Variants in FAM53A observed in about 807,000 individuals in gnomAD.
FAM53A encodes family with sequence similarity 53 member A, also known as protein FAM53A.
In FAM53A, 28 loss-of-function variants were observed where a neutral mutation model predicts 26.6. The ratio of observed to expected loss-of-function variants is 1.05; its 90% CI spans 0.78 to 1.45. The LOEUF is 1.45. Ranked by LOEUF, FAM53A falls within the 40% of genes most tolerant of loss-of-function variation. FAM53A has a pLI of 0.00. For synonymous variants in FAM53A, 290 were observed against 253.1 expected (o/e 1.15, Z -1.38); for missense variants, 650 against 575.8 (o/e 1.13, Z -1.32).
At chr4:1,590,377 C>T in the FAM53A span, among the ~76,000 whole-genome samples, 1 of 152,152 alleles carries the variant, frequency 6.6e-6, no homozygotes, top group African/African-American at 2.4e-5. Context: ...TCTGGACAAG[C>T]TGATAAGAAA....
At chr4:1,672,744 A>C (rs1577150920) in intron 1 of FAM53A, among the ~76,000 whole-genome samples, 1 of 148,986 alleles carries the variant, frequency 6.7e-6, no homozygotes, top group South Asian at 2.2e-4. Context: ...ACACAAACAC[A>C]GGAACCTGAA....
intron 1 of FAM53A, among the ~76,000 whole-genome samples, chr4:1,676,877 T>A (rs1715082096): frequency 6.6e-6 from 1 of 152,204 alleles, no homozygotes; most frequent in African/African-American, 2.4e-5. Flanking sequence ...GTGGGGTCTG[T>A]TCTCCAAAGT....
At chr4:1,616,079 G>A (rs1714800945), downstream of FAM53A, among the ~76,000 whole-genome samples, 1 of 152,222 alleles carries the variant, frequency 6.6e-6, no homozygotes, top group Non-Finnish European at 1.5e-5. Context: ...GATGTTGGAT[G>A]CAGTAAGCAG....
the FAM53A span, among the ~76,000 whole-genome samples, chr4:1,601,052 T>TGAGGCCTCCATCTCAA: frequency 6.6e-6 from 1 of 151,938 alleles, no homozygotes; most frequent in Admixed American, 6.5e-5. Context: ...CCAGCTGTCT[T>TGAGGCCTCCATCTCAA]GAGGCCTCCA....
intron 4 of FAM53A, among the ~76,000 whole-genome samples, chr4:1,649,482 A>G (rs1461833317): frequency 6.6e-6 from 1 of 152,232 alleles, no homozygotes; most frequent in East Asian, 1.9e-4. Flanking sequence ...TCCTCCTCCC[A>G]CTGAGTAAGG....
intron 4 of FAM53A, among the ~76,000 whole-genome samples, chr4:1,649,686 T>C (rs1712574829): frequency 6.6e-6 from 1 of 152,224 alleles, no homozygotes; most frequent in African/African-American, 2.4e-5. Flanking sequence ...AAAAGCCACA[T>C]GGGTGAACTT....
upstream of FAM53A, chr4:1,684,392 G>T (rs532604754): frequency 6.9e-6 from 1 of 145,358 alleles, no homozygotes; most frequent in Non-Finnish European, 1.5e-5. Flanking sequence ...CCGCCGCCGC[G>T]AGCCCGTCAG....
In FAM53A at chr4:1,659,915, C is replaced by T. The variant is rs1244569241; in HGVS notation, c.76-2447G>A. On this transcript the variant is annotated intron_variant, in intron 2 of 4. Coordinates refer to ENST00000308132, the MANE Select transcript of FAM53A (RefSeq NM_001174070.3). The surrounding 1 kb of genome is among the most constrained non-coding windows in gnomAD (Gnocchi z 5.2). ...AAGCACCTCCCAGAGGCCCCACCTCCAAATATTCATCCCGTCACCTTGAGG... is the reference window on the plus strand; with the variant it reads ...AAGCACCTCCCAGAGGCCCCACCTCTAAATATTCATCCCGTCACCTTGAGG... 6.6e-6 allele frequency among the ~76,000 whole-genome samples: 1 copy of T among 152,220 alleles called. No homozygotes were observed. Among genetic ancestry groups the T allele is most frequent in the East Asian group, 1.9e-4 (1 of 5,198 alleles).
At chr4:1,601,052 T>G in the FAM53A span, among the ~76,000 whole-genome samples, 1 of 151,938 alleles carries the variant, frequency 6.6e-6, no homozygotes, top group Non-Finnish European at 1.5e-5. Context: ...CCAGCTGTCT[T>G]GAGGCCTCCA....
chr4:1,622,679 C>T (rs907180699), intron 1 of FAM53A, among the ~76,000 whole-genome samples: 12 of 152,174 alleles, frequency 7.9e-5, no homozygotes, highest in Middle Eastern at 3.2e-3. Context: ...CTGGCTCGCT[C>T]GGGGAGGGAG....
chr4:1,624,058 C>T (rs1342295034), intron 1 of FAM53A, among the ~76,000 whole-genome samples: 1 of 152,200 alleles, frequency 6.6e-6, no homozygotes, highest in African/African-American at 2.4e-5. Flanking sequence ...CTGTGGGTGG[C>T]CTGTCCTACT....
chr4:1,668,291 T>A (rs918945529), intron 2 of FAM53A, among the ~76,000 whole-genome samples: 2 of 151,988 alleles, frequency 1.3e-5, no homozygotes, highest in Non-Finnish European at 2.9e-5. Context: ...AGGCGCCTGC[T>A]ACCGTGCCCG....
At chr4:1,624,790 G>GACTCCCCC (rs1715206755) in intron 1 of FAM53A, among the ~76,000 whole-genome samples, 1 of 152,214 alleles carries the variant, frequency 6.6e-6, no homozygotes, top group East Asian at 1.9e-4. Flanking sequence ...GCACACTCCA[G>GACTCCCCC]ACTCCCCCAG....
rs557409381 is a variant in FAM53A at position 1,668,600 on chromosome 4, T to C, written c.75+67A>G. On this transcript the variant is annotated intron_variant, in intron 2 of 4. Coordinates refer to ENST00000308132, the MANE Select transcript of FAM53A (RefSeq NM_001174070.3). Reference sequence around the variant, plus strand: ...CTTAGCCCTCACCTCCACCTCCCAGTGTGGCCATTCCCCTGTGACAGCACG... The same window carrying C: ...CTTAGCCCTCACCTCCACCTCCCAGCGTGGCCATTCCCCTGTGACAGCACG... 1.9e-6 allele frequency: 3 copies of C among 1,578,526 alleles called. No homozygotes were observed. The African/African-American group carries it at 4.0e-5, about 21-fold the overall frequency.
At chr4:1,633,409 G>A (rs1715699732) in intron 1 of FAM53A, among the ~76,000 whole-genome samples, 1 of 152,176 alleles carries the variant, frequency 6.6e-6, no homozygotes. Flanking sequence ...AAGAGAAATT[G>A]CAGGTCCACG....
the FAM53A span, among the ~76,000 whole-genome samples, chr4:1,590,989 T>TACACACACACAC: frequency 7.9e-6 from 1 of 126,848 alleles, no homozygotes; most frequent in African/African-American, 3.5e-5. Context: ...TATATATATA[T>TACACACACACAC]ATATATATAT....
the FAM53A span, among the ~76,000 whole-genome samples, chr4:1,585,034 G>T: frequency 2.6e-5 from 4 of 152,134 alleles, no homozygotes; most frequent in Admixed American, 6.5e-5. Context: ...TTTGAAATAT[G>T]CATACATTGT....
intron 4 of FAM53A, among the ~76,000 whole-genome samples, chr4:1,645,560 C>G (rs1273059921): frequency 6.6e-6 from 1 of 152,222 alleles, no homozygotes; most frequent in Non-Finnish European, 1.5e-5. Context: ...CAGCCCTCCA[C>G]ACAGAGGCAG....
downstream of FAM53A, among the ~76,000 whole-genome samples, chr4:1,617,058 A>T (rs540355469): frequency 1.2e-4 from 16 of 133,144 alleles, no homozygotes; most frequent in East Asian, 2.9e-3. Flanking sequence ...AATCACTTGA[A>T]CCCAGAGGGC....
Sources: allele counts gnomAD v4.1 joint callset (sites outside exome capture counted in the v4.1 genomes callset), GRCh38; gene constraint gnomAD v4.1.1; non-coding constraint Gnocchi (gnomAD v3.1); transcripts MANE v1.5; gene names NCBI Gene and HGNC (gene_info 2026-07-23, HGNC 2026-07-21).